WNT3A: variants seen among roughly 807,000 people sequenced by gnomAD.
WNT3A encodes the protein Wnt family member 3A, also known as protein Wnt-3a.
Under a neutral mutation model 37.0 loss-of-function variants are expected in WNT3A, and 17 were observed. The ratio of observed to expected loss-of-function variants is 0.46; its 90% CI spans 0.31 to 0.69. The LOEUF is 0.69. Among genes scored for constraint, WNT3A ranks in the 30% least tolerant of loss-of-function variants. WNT3A has a pLI of 0.05. For missense variants in WNT3A, 411 were observed against 510.2 expected (o/e 0.81, Z 1.87); for synonymous variants, 187 against 211.0 (o/e 0.89, Z 0.99).
intron 2 of WNT3A, among the ~76,000 whole-genome samples, chr1:228,030,161 G>A (rs2030963679): frequency 6.6e-6 from 1 of 152,030 alleles, no homozygotes; most frequent in African/African-American, 2.4e-5. Context: ...TTGGGAGGCG[G>A]AGGCGGGCAG....
rs1219061924 is a variant in WNT3A, at chr1:228,031,917, T to C, written c.313+9009T>C. On this transcript the variant is annotated intron_variant, in intron 2 of 3. Transcript: ENST00000284523. This position sits in a 1 kb window ranked among gnomAD's most constrained non-coding sequence, Gnocchi z 4.8. ...GTGCTTAGGGCTGCCACTCCCCCTCTGAGAAGGAAGCAGCGATTTTAGGAA... is the reference window on the plus strand; with the variant it reads ...GTGCTTAGGGCTGCCACTCCCCCTCCGAGAAGGAAGCAGCGATTTTAGGAA... Among the ~76,000 whole-genome samples, 3 of 152,134 alleles carry C rather than the reference T, an allele frequency of 2.0e-5. No individual in the cohort carries two copies. The highest frequency in any genetic ancestry group is 4.4e-5 in the Non-Finnish European group (3 of 68,010).
chr1:228,029,345 G>C lies in WNT3A; in HGVS notation c.313+6437G>C, dbSNP rs1376156219. ...TCACCTTGGGAGACCCACATGTAGG[G>C]CGGAATGTGCATAGTACCATCCACC... On this transcript the variant is annotated intron_variant, in intron 2 of 3. Coordinates refer to ENST00000284523, the MANE Select transcript of WNT3A (RefSeq NM_033131.4). Among the ~76,000 whole-genome samples the C allele has an allele frequency of 2.0e-5, 3 of 152,200 alleles. No homozygotes were observed. In the East Asian group the frequency reaches 5.8e-4, roughly 29 times the overall value.
chr1:228,030,451 G>A (rs559053469), intron 2 of WNT3A, among the ~76,000 whole-genome samples: 71 of 151,674 alleles, frequency 4.7e-4, no homozygotes, highest in Non-Finnish European at 8.5e-4. Flanking sequence ...TAAATAAAAA[G>A]GAACCTCTCA....
Position 228,050,531 on chromosome 1 carries a change from C to T in WNT3A, c.314-125C>T. ...TCCGTGAACCAAGTAAGCCTCTTTGCCTTATACACCACCCAACCTCACGAG... is the reference window on the plus strand; with the variant it reads ...TCCGTGAACCAAGTAAGCCTCTTTGTCTTATACACCACCCAACCTCACGAG... On this transcript the variant is annotated intron_variant, in intron 2 of 3. Coordinates refer to ENST00000284523, the MANE Select transcript of WNT3A (RefSeq NM_033131.4). The surrounding 1 kb of genome is among the most constrained non-coding windows in gnomAD (Gnocchi z 5.0). 2 of 1,246,954 alleles carry T rather than the reference C, an allele frequency of 1.6e-6. No homozygotes were observed. The highest frequency in any genetic ancestry group is 2.2e-6 in the Non-Finnish European group (2 of 929,308). 77.2% of individuals were successfully genotyped at this position (1,246,954 alleles called of 1,614,324 possible).
At chr1:228,057,421 C>A (rs2031703617) in intron 3 of WNT3A, among the ~76,000 whole-genome samples, 1 of 152,158 alleles carries the variant, frequency 6.6e-6, no homozygotes. Flanking sequence ...GCATGTAGGA[C>A]CAGAATTCCT....
At chr1:228,040,759 AC>A (rs2031261956) in intron 2 of WNT3A, among the ~76,000 whole-genome samples, 1 of 151,572 alleles carries the variant, frequency 6.6e-6, no homozygotes, top group African/African-American at 2.4e-5. Flanking sequence ...GGTGGTGGGC[AC>A]CTGTAGTCCC....
intron 2 of WNT3A, among the ~76,000 whole-genome samples, chr1:228,040,840 C>T (rs925886661): frequency 2.4e-4 from 36 of 148,396 alleles, no homozygotes; most frequent in African/African-American, 8.2e-4. Flanking sequence ...GAGCCGAGAT[C>T]GCGCCACTGC....
Position 228,059,886 on chromosome 1 carries a change from G to T in WNT3A, c.*421G>T. On this transcript the variant is annotated 3_prime_UTR_variant, in exon 4 of 4. Coordinates refer to ENST00000284523, the MANE Select transcript of WNT3A (RefSeq NM_033131.4). ...ACTAGGTAGGCTTCTACCTGCAGGC[G>T]GGGCTCCTCCTGAAGGAGGCGGGGC... 9.5e-7 allele frequency: 1 copy of T among 1,053,176 alleles called. No homozygotes were observed. Among genetic ancestry groups the T allele is most frequent in the Non-Finnish European group, 1.1e-6 (1 of 871,414 alleles). The allele number at this position is 1,053,176 out of a possible 1,614,324, so 65.2% of individuals were successfully genotyped here.
chr1:228,045,930 G>A (rs1571810674), intron 2 of WNT3A, among the ~76,000 whole-genome samples: 1 of 152,230 alleles, frequency 6.6e-6, no homozygotes, highest in Non-Finnish European at 1.5e-5. Context: ...CAAATAAAAG[G>A]TGAGCCAAAC....
At chr1:228,030,614 T>C (rs556968136) in intron 2 of WNT3A, among the ~76,000 whole-genome samples, 4 of 152,268 alleles carry the variant, frequency 2.6e-5, no homozygotes, top group African/African-American at 9.6e-5. Context: ...TGCCTGGCTA[T>C]GGTGTTTTTT....
chr1:228,048,097 C>A (rs576301355), intron 2 of WNT3A, among the ~76,000 whole-genome samples: 1 of 152,170 alleles, frequency 6.6e-6, no homozygotes, highest in African/African-American at 2.4e-5. Context: ...CCATTGCAGG[C>A]CTCTGCCAAG....
chr1:228,059,746 C>A lies in WNT3A; in HGVS notation c.*281C>A, dbSNP rs964648303. On this transcript the variant is annotated 3_prime_UTR_variant, in exon 4 of 4. Transcript: ENST00000284523. ...TTGGCTTCTCCCTGGGGACGGGGCT[C>A]CCCTGGACAGAGGCGGGGCTACAGA... 7 of 1,276,646 alleles carry A rather than the reference C, an allele frequency of 5.5e-6. No homozygotes were observed. In the African/African-American group the frequency reaches 7.8e-5, roughly 14 times the overall value. 79.1% of individuals were successfully genotyped at this position (1,276,646 alleles called of 1,614,324 possible).
intron 2 of WNT3A, among the ~76,000 whole-genome samples, chr1:228,049,084 A>T: frequency 6.6e-6 from 1 of 152,214 alleles, no homozygotes; most frequent in Non-Finnish European, 1.5e-5. Context: ...TCCAAGCTGG[A>T]GGCAGGGGCA....
intron 1 of WNT3A, among the ~76,000 whole-genome samples, chr1:228,015,152 A>C (rs1397934662): frequency 6.6e-6 from 1 of 152,258 alleles, no homozygotes; most frequent in Non-Finnish European, 1.5e-5. Context: ...TTGAAAACTC[A>C]CTAAGCATCA....
intron 2 of WNT3A, among the ~76,000 whole-genome samples, chr1:228,043,700 C>T (rs1329890909): frequency 6.6e-6 from 1 of 152,194 alleles, no homozygotes; most frequent in Non-Finnish European, 1.5e-5. Flanking sequence ...ACAGAGGTGA[C>T]TCTGGGCAGT....
At chr1:228,041,252 T>G (rs953660499) in intron 2 of WNT3A, among the ~76,000 whole-genome samples, 1 of 152,152 alleles carries the variant, frequency 6.6e-6, no homozygotes, top group Non-Finnish European at 1.5e-5. Flanking sequence ...CATCTCATGA[T>G]TCCCTGCATC....
chr1:228,015,824 G>T (rs941381662), intron 1 of WNT3A, among the ~76,000 whole-genome samples: 1 of 152,016 alleles, frequency 6.6e-6, no homozygotes, highest in African/African-American at 2.4e-5. Flanking sequence ...CGTGGGAGAG[G>T]TCGAAGGGGA....
At chr1:228,032,831 C>T (rs997818264) in intron 2 of WNT3A, among the ~76,000 whole-genome samples, 1 of 152,144 alleles carries the variant, frequency 6.6e-6, no homozygotes, top group Non-Finnish European at 1.5e-5. Context: ...TTCATGAGCA[C>T]TTGTGATTTT....
chr1:228,059,760 C>T lies in WNT3A; in HGVS notation c.*295C>T, dbSNP rs1048348626. The stretch of plus-strand genomic sequence containing the variant: ...GGGACGGGGCTCCCCTGGACAGAGG[C>T]GGGGCTACAGATTGGGCGGGGCTTC... On this transcript the variant is annotated 3_prime_UTR_variant, in exon 4 of 4. Transcript: ENST00000284523. 6 of 1,164,688 alleles carry T rather than the reference C, an allele frequency of 5.2e-6. 1 individual carries two copies. The highest frequency in any genetic ancestry group is 7.2e-4 in the Middle Eastern group (2 of 2,792). The allele number at this position is 1,164,688 out of a possible 1,614,324, so 72.1% of individuals were successfully genotyped here.
Sources: allele counts gnomAD v4.1 joint callset (sites outside exome capture counted in the v4.1 genomes callset), GRCh38; gene constraint gnomAD v4.1.1; non-coding constraint Gnocchi (gnomAD v3.1); transcripts MANE v1.5; gene names NCBI Gene and HGNC (gene_info 2026-07-23, HGNC 2026-07-21).